WWOX: variants seen among roughly 807,000 people sequenced by gnomAD.
WWOX encodes the protein WW domain-containing oxidoreductase.
A neutral mutation model predicts 46.2 loss-of-function variants in WWOX; 69 were observed. The ratio of observed to expected loss-of-function variants is 1.49; its 90% CI spans 1.23 to 1.82. The LOEUF is 1.82. Among genes scored for constraint, WWOX ranks in the 40% most tolerant of loss-of-function variants. The pLI is 0.00. For synonymous variants in WWOX, 359 were observed against 202.6 expected, an observed-to-expected ratio of 1.77 and a Z score of -6.56; for missense variants, 919 against 542.6, an observed-to-expected ratio of 1.69 and a Z score of -6.89.
intron 8 of WWOX, among the ~76,000 whole-genome samples, chr16:78,693,911 C>T (rs1020355197): frequency 6.6e-6 from 1 of 152,056 alleles, no homozygotes; most frequent in Non-Finnish European, 1.5e-5. Context: ...GACTCGGCAA[C>T]ATTACAGAAA....
rs1173230028 is a variant in WWOX, at chr16:78,820,864, T to C, written c.1056+388112T>C. Among the ~76,000 whole-genome samples, 3 of 152,262 alleles carry C rather than the reference T, an allele frequency of 2.0e-5. No homozygotes were observed. In the East Asian group the frequency reaches 5.8e-4, roughly 30 times the overall value. ...CTGGTTTCTGGTGACTGCTGGCAAT[T>C]CTTGATGTCCCTTGGCTTGGAAACA... On this transcript the variant is annotated intron_variant, in intron 8 of 8. Coordinates refer to ENST00000566780, the MANE Select transcript of WWOX (RefSeq NM_016373.4).
At chr16:78,377,103 C>G (rs750463653) in intron 5 of WWOX, among the ~76,000 whole-genome samples, 14 of 152,228 alleles carry the variant, frequency 9.2e-5, no homozygotes, top group Non-Finnish European at 1.9e-4. Flanking sequence ...AGTTCCAGTG[C>G]TTAACAAGTT....
intron 8 of WWOX, among the ~76,000 whole-genome samples, chr16:79,065,290 C>A (rs1045640055): frequency 6.6e-6 from 1 of 152,132 alleles, no homozygotes; most frequent in Non-Finnish European, 1.5e-5. Context: ...TTAATTAACA[C>A]AAGTCCAGCC....
chr16:78,603,438 C>T (rs530716011), intron 8 of WWOX, among the ~76,000 whole-genome samples: 76 of 152,256 alleles, frequency 5.0e-4, no homozygotes, highest in African/African-American at 1.7e-3. Flanking sequence ...CTCATGCCTG[C>T]AATCCCAGCA....
chr16:78,710,473 C>CATATATATATATATATATATTTTT (rs1555520960), intron 8 of WWOX, among the ~76,000 whole-genome samples: 3 of 63,590 alleles, frequency 4.7e-5, no homozygotes, highest in Non-Finnish European at 9.5e-5. Context: ...TAATGGATCT[C>CATATATATATATATATATATTTTT]ATATATATAT....
chr16:79,180,271 A>G (rs1482794428), intron 8 of WWOX, among the ~76,000 whole-genome samples: 1 of 152,226 alleles, frequency 6.6e-6, no homozygotes, highest in Non-Finnish European at 1.5e-5. Flanking sequence ...CTTGTTTATT[A>G]CAGATAATTT....
intron 5 of WWOX, among the ~76,000 whole-genome samples, chr16:78,323,774 A>G (rs1165085300): frequency 6.6e-6 from 1 of 152,152 alleles, no homozygotes; most frequent in Non-Finnish European, 1.5e-5. Flanking sequence ...CTCCTGTAAC[A>G]TATATTTTCT....
chr16:79,098,484 T>C (rs937299562), intron 8 of WWOX, among the ~76,000 whole-genome samples: 21 of 152,246 alleles, frequency 1.4e-4, no homozygotes, highest in African/African-American at 4.3e-4. Context: ...AAGAAGGTCA[T>C]TGGAATCTTC....
At chr16:79,183,395 A>G (rs931133648) in intron 8 of WWOX, among the ~76,000 whole-genome samples, 1 of 152,206 alleles carries the variant, frequency 6.6e-6, no homozygotes, top group Non-Finnish European at 1.5e-5. Context: ...GTGCTATGAA[A>G]TGCTAGCGCA....
At chr16:78,925,835 G>T (rs898195013) in intron 8 of WWOX, among the ~76,000 whole-genome samples, 1 of 152,256 alleles carries the variant, frequency 6.6e-6, no homozygotes, top group African/African-American at 2.4e-5. Flanking sequence ...TGAAGCCCTA[G>T]TTCTAGCCTA....
At chr16:79,126,991 A>C (rs989753959) in intron 8 of WWOX, among the ~76,000 whole-genome samples, 2 of 152,084 alleles carry the variant, frequency 1.3e-5, no homozygotes, top group Non-Finnish European at 2.9e-5. Flanking sequence ...TTATGTGGCC[A>C]CTGCTTTTTT....
At position 78,594,367 on chromosome 16, in the gene WWOX, C is replaced by T. The variant is rs868032429; in HGVS notation, c.1056+161615C>T. 3.4e-4 allele frequency among the ~76,000 whole-genome samples: 50 copies of T among 145,944 alleles called. 1 individual carries two copies. Among genetic ancestry groups the T allele is most frequent in the African/African-American group, 1.2e-3 (49 of 39,308 alleles). On this transcript the variant is annotated intron_variant, in intron 8 of 8. Coordinates refer to ENST00000566780, the MANE Select transcript of WWOX (RefSeq NM_016373.4). ...CAATCCGCTCATATTCTTGCATTTG[C>T]TGCAGCAAAACCTGACCTCTCTTTG... is the stretch of plus-strand genomic sequence containing the variant.
At chr16:78,792,518 C>A (rs1038958706) in intron 8 of WWOX, among the ~76,000 whole-genome samples, 2 of 152,140 alleles carry the variant, frequency 1.3e-5, no homozygotes, top group African/African-American at 2.4e-5. Flanking sequence ...GTCTGCACGG[C>A]AGAGGGCATG....
intron 5 of WWOX, among the ~76,000 whole-genome samples, chr16:78,184,051 CTG>C (rs951693033): frequency 1.3e-5 from 2 of 152,180 alleles, no homozygotes; most frequent in African/African-American, 4.8e-5. Flanking sequence ...CCGTTGCTCT[CTG>C]TGTGTGAAGC....
intron 8 of WWOX, among the ~76,000 whole-genome samples, chr16:79,080,259 C>T (rs1451133549): frequency 1.3e-5 from 2 of 152,192 alleles, no homozygotes; most frequent in Admixed American, 6.5e-5. Flanking sequence ...GAAACCCACA[C>T]AGGAGTCCTT....
chr16:78,189,320 G>T (rs995487788), intron 5 of WWOX, among the ~76,000 whole-genome samples: 2 of 152,222 alleles, frequency 1.3e-5, no homozygotes, highest in Non-Finnish European at 2.9e-5. Flanking sequence ...GCCCCGAGGG[G>T]TTTCACTTCC....
At chr16:78,109,424 T>G (rs2287973) in intron 2 of WWOX, among the ~76,000 whole-genome samples, 50,198 of 152,106 alleles carry the variant, frequency 0.33, 9,183 homozygotes, top group South Asian at 0.51. Flanking sequence ...TAATGTCATA[T>G]GAGGTCAGCG....
intron 8 of WWOX, among the ~76,000 whole-genome samples, chr16:79,005,145 C>T (rs764259382): frequency 6.6e-6 from 1 of 152,114 alleles, no homozygotes; most frequent in Non-Finnish European, 1.5e-5. Context: ...TCTGTCTGGC[C>T]TTTCTCTTTT....
At chr16:78,128,901 A>G (rs1001627703) in intron 4 of WWOX, among the ~76,000 whole-genome samples, 2 of 152,244 alleles carry the variant, frequency 1.3e-5, no homozygotes, top group African/African-American at 4.8e-5. Flanking sequence ...TCATCAGTAC[A>G]TTCCAAATGG....
Sources: gnomAD v4.1 joint callset for allele counts (sites outside exome capture counted in the v4.1 genomes callset) on GRCh38, gnomAD v4.1.1 for gene constraint, MANE v1.5 for transcripts, NCBI Gene and HGNC (gene_info 2026-07-23, HGNC 2026-07-21) for gene names.